ACER3: variants seen among roughly 807,000 people sequenced by gnomAD.
ACER3 encodes the protein alkaline ceramidase 3, also known as alkCDase 3.
A neutral mutation model predicts 48.9 loss-of-function variants in ACER3; 16 were observed. That is an observed-to-expected ratio of 0.33 (90% confidence interval 0.22 to 0.50). ACER3 has a LOEUF of 0.50. Among genes scored for constraint, ACER3 ranks in the 20% least tolerant of loss-of-function variants. ACER3 has a pLI of 0.98. For missense variants in ACER3, 227 were observed against 326.0 expected, an observed-to-expected ratio of 0.70 and a Z score of 2.34; for synonymous variants, 109 against 107.8, an observed-to-expected ratio of 1.01 and a Z score of -0.07.
At chr11:76,892,414 C>T (rs951768215) in intron 1 of ACER3, among the ~76,000 whole-genome samples, 9 of 151,910 alleles carry the variant, frequency 5.9e-5, no homozygotes, top group Admixed American at 5.9e-4. Context: ...TAGGAAAGAC[C>T]ATGCAAATAT....
rs1359000357 is a variant in ACER3, at chr11:76,930,767, G to A, written c.214+4100G>A. 2.0e-5 allele frequency among the ~76,000 whole-genome samples: 3 copies of A among 152,078 alleles called. No homozygotes were observed. In the East Asian group the frequency reaches 5.8e-4, roughly 29 times the overall value. ...TAGGTTGTTCAGTTTCCATGTAGTT[G>A]AGAGGTTTTGAGTGAGTTTCTTAAT... is the stretch of plus-strand genomic sequence containing the variant. On this transcript the variant is annotated intron_variant, in intron 2 of 10. Transcript: ENST00000532485.
intron 2 of ACER3, among the ~76,000 whole-genome samples, chr11:76,930,536 T>A (rs1946968758): frequency 6.6e-6 from 1 of 152,072 alleles, no homozygotes; most frequent in Non-Finnish European, 1.5e-5. Flanking sequence ...CTTGCTTCTC[T>A]AGTTCTTTTA....
At chr11:76,992,471 T>A (rs1041859407) in intron 6 of ACER3, among the ~76,000 whole-genome samples, 1 of 152,198 alleles carries the variant, frequency 6.6e-6, no homozygotes, top group African/African-American at 2.4e-5. Context: ...TTTCCACTAA[T>A]GAAGATTTTC....
Position 76,913,958 on chromosome 11 carries a change from C to T in ACER3, c.104-12599C>T, listed in dbSNP as rs555804834. The stretch of plus-strand genomic sequence containing the variant: ...AAACAGGAAATGGGGAAAGGATTCC[C>T]TATTTAATAAATGGTGCTGGGGAAA... On this transcript the variant is annotated intron_variant, in intron 1 of 10. Transcript: ENST00000532485. 6.5e-3 allele frequency among the ~76,000 whole-genome samples: 990 copies of T among 152,250 alleles called. 16 individuals carry two copies. The highest frequency in any genetic ancestry group is 0.022 in the African/African-American group (918 of 41,532).
At chr11:76,884,038 G>A (rs148638947) in intron 1 of ACER3, among the ~76,000 whole-genome samples, 148 of 152,264 alleles carry the variant, frequency 9.7e-4, no homozygotes, top group Non-Finnish European at 2.0e-3. Context: ...GTTCTCTCTA[G>A]TCACAATGTG....
At chr11:76,965,374 A>G (rs970786225) in intron 3 of ACER3, among the ~76,000 whole-genome samples, 10 of 151,456 alleles carry the variant, frequency 6.6e-5, no homozygotes, top group African/African-American at 2.5e-4. Context: ...ACCAAGTTGG[A>G]AAACACTCTG....
At chr11:76,973,928 A>G (rs1948372665) in intron 3 of ACER3, among the ~76,000 whole-genome samples, 1 of 152,194 alleles carries the variant, frequency 6.6e-6, no homozygotes, top group Non-Finnish European at 1.5e-5. Context: ...GTCTGGCTTC[A>G]TTCTATAGTA....
intron 1 of ACER3, among the ~76,000 whole-genome samples, chr11:76,863,564 G>GA (rs1244714936): frequency 3.9e-5 from 6 of 152,072 alleles, no homozygotes; most frequent in South Asian, 2.1e-4. Flanking sequence ...TTTGATCTTT[G>GA]AAAAATATGC....
chr11:77,002,082 G>C (rs532974515), intron 7 of ACER3, among the ~76,000 whole-genome samples: 1 of 152,164 alleles, frequency 6.6e-6, no homozygotes, highest in East Asian at 1.9e-4. Flanking sequence ...TTCTGATAAA[G>C]GACACCAGTT....
chr11:76,965,246 G>C (rs897977693), intron 3 of ACER3, among the ~76,000 whole-genome samples: 3 of 151,110 alleles, frequency 2.0e-5, no homozygotes, highest in Admixed American at 2.0e-4. Context: ...GAAGCCAGAA[G>C]AGAAGTTTAG....
At chr11:77,012,854 AAGTT>A (rs1555022513) in intron 7 of ACER3, among the ~76,000 whole-genome samples, 1 of 152,184 alleles carries the variant, frequency 6.6e-6, no homozygotes, top group Non-Finnish European at 1.5e-5. Context: ...AAAAGGAACA[AAGTT>A]AGAGGGCTTG....
At chr11:76,990,661 T>C in intron 6 of ACER3, 87 bp downstream of exon 6, 1 of 930,410 alleles carries the variant, frequency 1.1e-6, no homozygotes, top group African/African-American at 1.6e-5. Flanking sequence ...GATATGCAGA[T>C]AAAAATTTTT....
At chr11:76,943,433 G>A (rs1947390067) in intron 2 of ACER3, among the ~76,000 whole-genome samples, 2 of 151,988 alleles carry the variant, frequency 1.3e-5, no homozygotes, top group Non-Finnish European at 1.5e-5. Context: ...TCATTCAGAA[G>A]CATGTTGTTT....
At chr11:76,968,561 A>C (rs532094036) in intron 3 of ACER3, among the ~76,000 whole-genome samples, 14 of 152,342 alleles carry the variant, frequency 9.2e-5, no homozygotes, top group Non-Finnish European at 1.9e-4. Context: ...GGCTACAGTA[A>C]CCAAAACAGC....
intron 1 of ACER3, among the ~76,000 whole-genome samples, chr11:76,912,110 G>A (rs911953769): frequency 1.3e-5 from 2 of 152,144 alleles, no homozygotes; most frequent in South Asian, 4.1e-4. Context: ...TAAGCTCTTT[G>A]CAGATACATT....
chr11:76,993,873 C>T (rs1948856796), intron 6 of ACER3, among the ~76,000 whole-genome samples: 1 of 152,228 alleles, frequency 6.6e-6, no homozygotes, highest in Non-Finnish European at 1.5e-5. Context: ...GGCGATAATG[C>T]TCACTTGCCT....
chr11:77,014,294 C>T (rs1192726975), intron 7 of ACER3, among the ~76,000 whole-genome samples: 1 of 152,194 alleles, frequency 6.6e-6, no homozygotes, highest in Non-Finnish European at 1.5e-5. Flanking sequence ...CACCCATCCA[C>T]AATACCTCCG....
At chr11:76,959,245 G>A (rs1486502179) in intron 3 of ACER3, 1 of 1,404,454 alleles carries the variant, frequency 7.1e-7, no homozygotes, top group Non-Finnish European at 9.3e-7. Context: ...AGGGCTTTTT[G>A]ACCATCTCTG....
chr11:76,872,908 T>TTC (rs1208578886), intron 1 of ACER3, among the ~76,000 whole-genome samples: 5 of 83,164 alleles, frequency 6.0e-5, no homozygotes, highest in African/African-American at 1.8e-4. Flanking sequence ...CTTTTTTCTT[T>TTC]TTCTTTTTTT....
Sources: gnomAD v4.1 joint callset for allele counts (sites outside exome capture counted in the v4.1 genomes callset) on GRCh38, gnomAD v4.1.1 for gene constraint, MANE v1.5 for transcripts, NCBI Gene and HGNC (gene_info 2026-07-23, HGNC 2026-07-21) for gene names.